The following ENG variants were observed in gnomAD, a reference collection of about 807,000 sequenced individuals.
ENG encodes CD105 antigen.
In ENG, 17 loss-of-function variants were observed where a neutral mutation model predicts 71.0. That is an observed-to-expected ratio of 0.24 (90% confidence interval 0.16 to 0.36). The LOEUF is 0.36. Among genes scored for constraint, ENG ranks in the 10% least tolerant of loss-of-function variants. ENG has a pLI of 1.00. For missense variants in ENG, 749 were observed against 868.3 expected (o/e 0.86, Z 1.73); for synonymous variants, 360 against 366.9 (o/e 0.98, Z 0.21).
At chr9:127,854,234 C>A in intron 1 of ENG, 55 bp downstream of exon 1, 2 of 1,529,930 alleles carry the variant, frequency 1.3e-6, no homozygotes, top group Non-Finnish European at 1.8e-6. Flanking sequence ...ATACTTGGGG[C>A]CTGGTCCGTG....
chr9:127,837,197 G>C (rs569777346), intron 2 of ENG, among the ~76,000 whole-genome samples: 1 of 152,308 alleles, frequency 6.6e-6, no homozygotes, highest in South Asian at 2.1e-4. Context: ...GTGGGCTGCA[G>C]CTGGTGAGAA....
At chr9:127,835,747 C>T (rs1225814900) in intron 2 of ENG, among the ~76,000 whole-genome samples, 2 of 151,966 alleles carry the variant, frequency 1.3e-5, no homozygotes, top group African/African-American at 2.4e-5. Context: ...GGAACCAGTA[C>T]CAGGTTGGGC....
At chr9:127,845,138 C>T (rs187135737) in intron 1 of ENG, among the ~76,000 whole-genome samples, 1 of 152,330 alleles carries the variant, frequency 6.6e-6, no homozygotes, top group Non-Finnish European at 1.5e-5. Context: ...TCCATCTTGT[C>T]GCGCTCACTT....
chr9:127,825,639 A>C (rs1026846734), intron 5 of ENG, 56 bp downstream of exon 5: 6 of 1,030,006 alleles, frequency 5.8e-6, no homozygotes, highest in Non-Finnish European at 7.4e-6. Flanking sequence ...GGGGGGGGTC[A>C]GGGGGGTGGT....
chr9:127,824,695 G>T, intron 7 of ENG, 105 bp downstream of exon 7: 1 of 1,296,150 alleles, frequency 7.7e-7, no homozygotes, highest in Non-Finnish European at 1.0e-6. Flanking sequence ...GGCTCAGAGA[G>T]GCTGATGTAC....
At chr9:127,842,874 G>GT (rs1283381866) in intron 2 of ENG, among the ~76,000 whole-genome samples, 3 of 152,120 alleles carry the variant, frequency 2.0e-5, no homozygotes, top group Admixed American at 2.0e-4. Flanking sequence ...TCCCACCTGA[G>GT]TCTTCTGGTG....
rs1379416733 is a variant in ENG, at chr9:127,846,602, CG to C, written c.68-3358del. ...TGTAATGATCAGATAACAGGCCTGG[CG>C]GGGAGATCAGATAAGAGGTCCATTT... On this transcript the variant is annotated intron_variant, in intron 1 of 14. Coordinates refer to ENST00000373203, the MANE Select transcript of ENG (RefSeq NM_001114753.3). The surrounding 1 kb of genome is among the most constrained non-coding windows in gnomAD (Gnocchi z 5.5). 6.6e-6 allele frequency among the ~76,000 whole-genome samples: 1 copy of C among 152,172 alleles called. No homozygotes were observed. The highest frequency in any genetic ancestry group is 6.5e-5 in the Admixed American group (1 of 15,278).
At chr9:127,819,318 T>C (rs1187226172) in intron 10 of ENG, 7 of 418,546 alleles carry the variant, frequency 1.7e-5, no homozygotes, top group Admixed American at 3.6e-5. Context: ...CAGCACCTCA[T>C]TGGCTGCCCA....
intron 7 of ENG, 80 bp from the exon 8 acceptor site, chr9:127,824,526 T>C: frequency 6.8e-7 from 1 of 1,472,030 alleles, no homozygotes; most frequent in Non-Finnish European, 9.0e-7. Flanking sequence ...TTTTTTTTTT[T>C]TTTTTTTTTT....
intron 2 of ENG, among the ~76,000 whole-genome samples, chr9:127,834,565 T>C (rs1425283720): frequency 6.6e-5 from 10 of 151,974 alleles, no homozygotes; most frequent in Non-Finnish European, 1.5e-4. Context: ...CCACTGCGCC[T>C]GGCTAGTTTT....
chr9:127,832,165 T>TC (rs1830783343), intron 2 of ENG, among the ~76,000 whole-genome samples: 1 of 142,290 alleles, frequency 7.0e-6, no homozygotes, highest in Non-Finnish European at 1.5e-5. Context: ...AACCTCTGCC[T>TC]CCTGGGTCAA....
At position 127,815,493 on chromosome 9, in the gene ENG, C is replaced by T. The variant is rs1424162084; in HGVS notation, c.*189G>A. On this transcript the variant is annotated 3_prime_UTR_variant, in exon 15 of 15. Coordinates refer to ENST00000373203, the MANE Select transcript of ENG (RefSeq NM_001114753.3). ...TTGAAGGTTCTGTGGGGTGGAGGGA[C>T]CCCAAGGTGTTCCAAGCCAGTGGCT... 3.4e-6 allele frequency: 4 copies of T among 1,176,552 alleles called. No individual in the cohort carries two copies. In the South Asian group the frequency reaches 4.9e-5, roughly 14 times the overall value. 72.9% of individuals were successfully genotyped at this position (1,176,552 alleles called of 1,614,324 possible). A position where few individuals can be genotyped will look rare whatever the true frequency, so the allele number is the denominator to read the frequency against.
chr9:127,837,093 G>A (rs1830919291), intron 2 of ENG, among the ~76,000 whole-genome samples: 1 of 152,272 alleles, frequency 6.6e-6, no homozygotes, highest in East Asian at 1.9e-4. Flanking sequence ...TGGCCTGGTT[G>A]GCTTTTTAAT....
intron 3 of ENG, 117 bp from the exon 4 acceptor site, chr9:127,826,789 G>T (rs557935828): frequency 6.6e-6 from 9 of 1,361,600 alleles, no homozygotes; most frequent in African/African-American, 1.4e-5. Context: ...GAAAGAGGCC[G>T]GAGCTGAGAA....
In ENG at chr9:127,825,355, G is replaced by T. The variant is rs1289232116; in HGVS notation, c.692C>A (p.Pro231His). 3.7e-6 allele frequency: 6 copies of T among 1,610,166 alleles called. No homozygotes were observed. In the East Asian group the frequency reaches 8.9e-5, roughly 24 times the overall value. The change falls in exon 6 of 15, where the codon CCC becomes CAC. Residue 231 changes from proline (P) to histidine (H), a missense_variant and splice_region_variant. Transcript: ENST00000373203. ...TTCCACCTTCACCGTCACCGTCCGGGGCCTGCGGGGAGACAGACGCGGATG... is the reference window on the plus strand; with the variant it reads ...TTCCACCTTCACCGTCACCGTCCGGTGCCTGCGGGGAGACAGACGCGGATG... Reference protein sequence around the residue: ...LRVLPGHSAGPRTVTVKVELS... With the variant: ...LRVLPGHSAGHRTVTVKVELS...
rs1830302512 is a variant in ENG, at chr9:127,816,009, T to C, written c.1786A>G (p.Thr596Ala). 1 of 1,610,726 alleles carries C rather than the reference T, an allele frequency of 6.2e-7. No homozygotes were observed. Residue 596 changes from threonine to alanine, a missense_variant, in exon 14 of 15, where the codon ACC (threonine) becomes GCC (alanine). Coordinates refer to ENST00000373203, the MANE Select transcript of ENG (RefSeq NM_001114753.3). ...GCCCCGATGAGGAAGGCACCAAAGG[T>C]GATGCCCAGCACGGCGGGCAGGACG... is the stretch of plus-strand genomic sequence containing the variant. ...GLVLPAVLGITFGAFLIGALL... is the reference protein window; with the variant it reads ...GLVLPAVLGIAFGAFLIGALL...
rs1280918470 is a variant in ENG at position 127,824,806 on chromosome 9, T to G, written c.985A>C (p.Ser329Arg). The change falls in exon 7 of 15, where the codon AGC becomes CGC. Residue 329 changes from serine (S) to arginine (R), a missense_variant. Transcript: ENST00000373203. ...LASIVSLHAS[S>R]CGGRLQTSPA... Reference sequence around the variant, plus strand: ...GCAGGGGAAGGGTGCTCACCGCAGCTGGAGGCATGAAGTGAGACAATGCTG... The same window carrying G: ...GCAGGGGAAGGGTGCTCACCGCAGCGGGAGGCATGAAGTGAGACAATGCTG... 6.4e-7 allele frequency: 1 copy of G among 1,565,920 alleles called. No homozygotes were observed. Among genetic ancestry groups the G allele is most frequent in the Non-Finnish European group, 8.7e-7 (1 of 1,155,338 alleles).
chr9:127,851,668 C>A (rs1831288877), intron 1 of ENG, among the ~76,000 whole-genome samples: 1 of 151,944 alleles, frequency 6.6e-6, no homozygotes. Flanking sequence ...ATCACGAGGT[C>A]AAGAGTTCGA....
At position 127,826,575 on chromosome 9, in the gene ENG, C is replaced by A. The variant is rs779668567; in HGVS notation, c.458G>T (p.Arg153Met). ...KTQILEWAAE[R>M]GPITSAAELN... ...CTCAGCAGCAGAGGTGATGGGGCCC[C>A]TCTCAGCTGCCCACTCAAGGATCTG... The change falls in exon 4 of 15, where the codon AGG (arginine) becomes ATG (methionine). Residue 153 changes from arginine to methionine, a missense_variant. By Grantham distance (91) the Arg-to-Met change is moderately conservative. Coordinates refer to ENST00000373203, the MANE Select transcript of ENG (RefSeq NM_001114753.3). 3.1e-6 allele frequency: 5 copies of A among 1,614,090 alleles called. No homozygotes were observed. Among genetic ancestry groups the A allele is most frequent in the Non-Finnish European group, 4.2e-6 (5 of 1,180,004 alleles).
Sources: allele counts gnomAD v4.1 joint callset (sites outside exome capture counted in the v4.1 genomes callset), GRCh38; gene constraint gnomAD v4.1.1; non-coding constraint Gnocchi (gnomAD v3.1); transcripts MANE v1.5; gene names NCBI Gene and HGNC (gene_info 2026-07-23, HGNC 2026-07-21).